MOCS1: variants seen among roughly 807,000 people sequenced by gnomAD.
The protein encoded by MOCS1 is molybdenum cofactor biosynthesis protein 1.
MOCS1 carries 39 observed loss-of-function variants against 57.6 expected under a neutral mutation model. The ratio of observed to expected loss-of-function variants is 0.68; its 90% CI spans 0.52 to 0.88. MOCS1 has a LOEUF of 0.88. Among genes scored for constraint, MOCS1 ranks in the 40% least tolerant of loss-of-function variants. The pLI, the probability that MOCS1 is intolerant of heterozygous loss-of-function variation, is 0.00. For synonymous variants in MOCS1, 334 were observed against 335.7 expected, an observed-to-expected ratio of 1.00 and a Z score of 0.05; for missense variants, 795 against 831.1, an observed-to-expected ratio of 0.96 and a Z score of 0.53.
chr6:39,913,706 G>A lies in MOCS1; in HGVS notation c.645+68C>T, dbSNP rs1767480152. On this transcript the variant is annotated intron_variant, in intron 5 of 10. Coordinates refer to ENST00000340692, the MANE Select transcript of MOCS1 (RefSeq NM_001358530.2). ...CTGAGGGCTCTCAAGTGGGCCAAGG[G>A]GCGGTGAGGGGAAGGCCAGGGCAGT... 4 of 1,543,728 alleles carry A rather than the reference G, an allele frequency of 2.6e-6. No homozygotes were observed. In the African/African-American group the frequency reaches 5.5e-5, roughly 21 times the overall value.
At chr6:39,934,063 C>T (rs1338067308) in intron 1 of MOCS1, among the ~76,000 whole-genome samples, 1 of 152,038 alleles carries the variant, frequency 6.6e-6, no homozygotes, top group Non-Finnish European at 1.5e-5. Context: ...GAAGGGGTGG[C>T]GTGGCTGGGG....
At position 39,907,053 on chromosome 6, in the gene MOCS1, G is replaced by C. The variant is rs1328169689; in HGVS notation, c.1215C>G (p.Leu405=). The C allele has an allele frequency of 6.2e-7, 1 of 1,613,600 alleles. No individual in the cohort carries two copies. The highest frequency in any genetic ancestry group is 1.1e-5 in the South Asian group (1 of 91,054). The change falls in exon 11 of 11, where the codon CTC becomes CTG. Residue 405 remains leucine, a synonymous_variant. Coordinates refer to ENST00000340692, the MANE Select transcript of MOCS1 (RefSeq NM_001358530.2). ...ANPSIFSWDP[L]HVQGLRPRMS... is the part of the protein sequence containing the mutation. ...TTCTGGGTCTTAGACCCTGAACATG[G>C]AGCGGGTCCCAGGAGAAAATGCTTG...
At position 39,906,988 on chromosome 6, in the gene MOCS1, C is replaced by CA; in HGVS notation, c.1279dup (p.Cys427LeufsTer37). 1 of 1,614,058 alleles carries CA rather than the reference C, an allele frequency of 6.2e-7. No homozygotes were observed. Among genetic ancestry groups the CA allele is most frequent in the African/African-American group, 1.3e-5 (1 of 75,030 alleles). On this transcript the variant is annotated frameshift_variant, in exon 11 of 11. Transcript: ENST00000340692. LOFTEE classifies it high-confidence loss of function. The stretch of plus-strand genomic sequence containing the variant: ...TAGAGGAGGGGTCTGGGGGACCCTG[C>CA]ATCCTTTCCATAAAGTGGCCACCTG...
At chr6:39,930,275 TTA>T (rs1247962033) in intron 1 of MOCS1, among the ~76,000 whole-genome samples, 1 of 152,078 alleles carries the variant, frequency 6.6e-6, no homozygotes, top group Non-Finnish European at 1.5e-5. Context: ...TCAGAGGGAA[TTA>T]TAGGACAGAG....
At chr6:39,918,025 T>C (rs558736559) in intron 3 of MOCS1, among the ~76,000 whole-genome samples, 5 of 152,286 alleles carry the variant, frequency 3.3e-5, no homozygotes, top group South Asian at 2.1e-4. Context: ...ATGTACACAG[T>C]AGTTATCTGT....
intron 3 of MOCS1, among the ~76,000 whole-genome samples, chr6:39,922,757 T>C (rs1045532247): frequency 1.6e-4 from 24 of 152,144 alleles, no homozygotes; most frequent in Non-Finnish European, 2.9e-5. Flanking sequence ...GCTTCAGACA[T>C]GGACCTGAGG....
At chr6:39,921,524 G>A (rs986642409) in intron 3 of MOCS1, among the ~76,000 whole-genome samples, 1 of 152,174 alleles carries the variant, frequency 6.6e-6, no homozygotes, top group African/African-American at 2.4e-5. Flanking sequence ...AATATCTCAT[G>A]AACCAAGTAT....
chr6:39,917,360 C>T (rs1331735649), intron 3 of MOCS1, among the ~76,000 whole-genome samples: 1 of 152,060 alleles, frequency 6.6e-6, no homozygotes, highest in East Asian at 1.9e-4. Flanking sequence ...TGAGGGTAAC[C>T]ACCCCCATTA....
intron 4 of MOCS1, 39 bp downstream of exon 4, chr6:39,916,029 G>T (rs1220556530): frequency 6.4e-7 from 1 of 1,567,906 alleles, no homozygotes; most frequent in Admixed American, 1.9e-5. Context: ...CTATGTGCAG[G>T]CCCTGGGAGG....
Position 39,913,088 on chromosome 6 carries a change from A to T in MOCS1, c.758-84T>A, listed in dbSNP as rs1034880223. On this transcript the variant is annotated intron_variant, in intron 6 of 10. Coordinates refer to ENST00000340692, the MANE Select transcript of MOCS1 (RefSeq NM_001358530.2). ...GGGGTCTTTGAGTCCATCCCCTGCCACAGCATAGCAATCAGTTCTCCAGCC... is the reference window on the plus strand; with the variant it reads ...GGGGTCTTTGAGTCCATCCCCTGCCTCAGCATAGCAATCAGTTCTCCAGCC... The T allele has an allele frequency of 3.7e-6, 4 of 1,079,592 alleles. No individual in the cohort carries two copies. In the African/African-American group the frequency reaches 4.6e-5, roughly 13 times the overall value. The allele number at this position is 1,079,592 out of a possible 1,614,324, so 66.9% of individuals were successfully genotyped here. A position where few individuals can be genotyped will look rare whatever the true frequency, so the allele number is the denominator to read the frequency against.
intron 5 of MOCS1, 80 bp from the exon 6 acceptor site, chr6:39,913,508 CACTG>C (rs1447434270): frequency 3.8e-5 from 47 of 1,240,586 alleles, no homozygotes; most frequent in Non-Finnish European, 1.6e-5. Context: ...GCCTGGCACT[CACTG>C]AGGCCTTCCA....
At chr6:39,907,224 T>C (rs1767018858) in intron 10 of MOCS1, 107 bp from the exon 11 acceptor site, 1 of 1,201,570 alleles carries the variant, frequency 8.3e-7, no homozygotes, top group Admixed American at 2.7e-5. Context: ...TTCTCTTTCA[T>C]ACCGGGGAAA....
rs751032777 is a variant in MOCS1 at position 39,934,434 on chromosome 6, G to T, written c.-17C>A. 5 of 1,564,278 alleles carry T rather than the reference G, an allele frequency of 3.2e-6. No homozygotes were observed. The highest frequency in any genetic ancestry group is 1.3e-5 in the African/African-American group (1 of 74,200). ...CGCCGCCATGAAGCCTGATACGAGCGGAACCGCAGCCCGCTTCGGGAGCAC... is the reference window on the plus strand; with the variant it reads ...CGCCGCCATGAAGCCTGATACGAGCTGAACCGCAGCCCGCTTCGGGAGCAC... On this transcript the variant is annotated 5_prime_UTR_variant, in exon 1 of 11. Coordinates refer to ENST00000340692, the MANE Select transcript of MOCS1 (RefSeq NM_001358530.2).
chr6:39,905,885 G>GAAGT lies in MOCS1; in HGVS notation c.*468_*471dup, dbSNP rs1766876080. 1 of 469,670 alleles carries GAAGT rather than the reference G, an allele frequency of 2.1e-6. No individual in the cohort carries two copies. Among genetic ancestry groups the GAAGT allele is most frequent in the Admixed American group, 2.3e-5 (1 of 42,556 alleles). 29.1% of individuals were successfully genotyped at this position (469,670 alleles called of 1,614,324 possible). ...CTTAGGGAGGCAGAGCTGCCGGGGA[G>GAAGT]AAGTTGGGATCCATTCTTCAGGCAA... On this transcript the variant is annotated 3_prime_UTR_variant, in exon 11 of 11. Coordinates refer to ENST00000340692, the MANE Select transcript of MOCS1 (RefSeq NM_001358530.2).
At chr6:39,913,063 G>C in intron 6 of MOCS1, 59 bp from the exon 7 acceptor site, 2 of 1,429,158 alleles carry the variant, frequency 1.4e-6, no homozygotes, top group Non-Finnish European at 2.0e-6. Context: ...AAGGGGCCCC[G>C]GGGTCTTTGA....
At chr6:39,912,460 C>A in intron 7 of MOCS1, 86 bp from the exon 8 acceptor site, 1 of 955,052 alleles carries the variant, frequency 1.0e-6, no homozygotes, top group East Asian at 2.4e-5. Context: ...TCAGAACCTC[C>A]ACTCCTCAAC....
At position 39,905,611 on chromosome 6, in the gene MOCS1, T is replaced by TAAAG. The variant is rs1554187825; in HGVS notation, c.*742_*745dup. ...TTTCTTTCCCTGATATGCTCCAGAATAAAGAGGGGTGGGTGGAACAGCCGT... is the reference window on the plus strand; with the variant it reads ...TTTCTTTCCCTGATATGCTCCAGAATAAAGAAAGAGGGGTGGGTGGAACAGCCGT... On this transcript the variant is annotated 3_prime_UTR_variant, in exon 11 of 11. Coordinates refer to ENST00000340692, the MANE Select transcript of MOCS1 (RefSeq NM_001358530.2). 3 of 471,004 alleles carry TAAAG rather than the reference T, an allele frequency of 6.4e-6. No homozygotes were observed. The highest frequency in any genetic ancestry group is 1.4e-4 in the East Asian group (2 of 14,376). The allele number at this position is 471,004 out of a possible 1,614,324, so 29.2% of individuals were successfully genotyped here.
At position 39,906,282 on chromosome 6, in the gene MOCS1, C is replaced by T. The variant is rs532164935; in HGVS notation, c.*75G>A. Reference sequence around the variant, plus strand: ...CAAACAGTGACTGTGATTAAAGGAACCTGACGTCTTTCCCTCAGCCTACAT... The same window carrying T: ...CAAACAGTGACTGTGATTAAAGGAATCTGACGTCTTTCCCTCAGCCTACAT... On this transcript the variant is annotated 3_prime_UTR_variant, in exon 11 of 11. Transcript: ENST00000340692. The T allele has an allele frequency of 7.6e-6, 12 of 1,571,522 alleles. No homozygotes were observed. Among genetic ancestry groups the T allele is most frequent in the Middle Eastern group, 2.3e-4 (1 of 4,372 alleles).
intron 3 of MOCS1, among the ~76,000 whole-genome samples, chr6:39,924,078 C>T (rs1169759124): frequency 6.6e-6 from 1 of 152,190 alleles, no homozygotes; most frequent in Non-Finnish European, 1.5e-5. Context: ...AGGTCTCTTT[C>T]CTGATCTTGG....
Sources: allele counts gnomAD v4.1 joint callset (sites outside exome capture counted in the v4.1 genomes callset), GRCh38; gene constraint gnomAD v4.1.1; transcripts MANE v1.5; gene names NCBI Gene and HGNC (gene_info 2026-07-23, HGNC 2026-07-21).